ASTN1: variants seen among roughly 807,000 people sequenced by gnomAD.
ASTN1 encodes the protein astrotactin 1.
Under a neutral mutation model 140.7 loss-of-function variants are expected in ASTN1, and 41 were observed. That is an observed-to-expected ratio of 0.29 (90% CI 0.23 to 0.38). The LOEUF (loss-of-function observed/expected upper bound fraction) is 0.38. Ranked by LOEUF, ASTN1 falls within the 10% of genes least tolerant of loss-of-function variation. ASTN1 has a pLI of 1.00. For missense variants in ASTN1, 1,479 were observed against 1,678.8 expected (o/e 0.88, Z 2.08); for synonymous variants, 640 against 652.2 (o/e 0.98, Z 0.29).
rs761858815 is a variant in ASTN1, at chr1:176,882,976, A to G, written c.3245T>C (p.Val1082Ala). The G allele has an allele frequency of 6.8e-6, 11 of 1,614,086 alleles. No individual in the cohort carries two copies. The Admixed American group carries it at 1.0e-4, about 15-fold the overall frequency. The change falls in exon 20 of 23, where the codon GTG becomes GCG. Residue 1082 changes from valine (V) to alanine (A), a missense_variant. Coordinates refer to ENST00000361833, the MANE Select transcript of ASTN1 (RefSeq NM_004319.3). ...KVETETVLSF[V>A]DDIISGAKSP... is the part of the protein sequence containing the mutation. ...CTTTGCTCCAGAGATGATGTCGTCC[A>G]CAAAGCTCAGCACTGTTTCTGCCCA...
At chr1:177,161,480 G>A (rs1440426984) in intron 1 of ASTN1, among the ~76,000 whole-genome samples, 1 of 152,230 alleles carries the variant, frequency 6.6e-6, no homozygotes, top group Non-Finnish European at 1.5e-5. Context: ...GCACAGAAAT[G>A]GGATAGAGGC....
chr1:176,943,754 A>G (rs1671836038), intron 14 of ASTN1, 137 bp downstream of exon 14: 2 of 1,164,224 alleles, frequency 1.7e-6, no homozygotes, highest in Admixed American at 3.4e-5. Context: ...ATTCAGTTTT[A>G]TGGCTGAGCT....
intron 15 of ASTN1, chr1:176,935,932 C>G (rs1401773787): frequency 5.3e-6 from 2 of 374,182 alleles, no homozygotes; most frequent in Admixed American, 3.8e-5. Context: ...ATTTGGAATG[C>G]TTAATTCTCT....
chr1:176,978,387 G>A (rs570627873), intron 8 of ASTN1, among the ~76,000 whole-genome samples: 1 of 152,302 alleles, frequency 6.6e-6, no homozygotes, highest in Admixed American at 6.5e-5. Context: ...AGAGGAACCA[G>A]TAGAGAAGCC....
At chr1:177,008,461 A>AAG (rs1297817646) in intron 8 of ASTN1, among the ~76,000 whole-genome samples, 3 of 134,556 alleles carry the variant, frequency 2.2e-5, no homozygotes, top group African/African-American at 8.4e-5. Context: ...GAGGGAGAGG[A>AAG]AGAGAGAGAG....
chr1:176,936,029 G>T, intron 15 of ASTN1: 1 of 581,878 alleles, frequency 1.7e-6, no homozygotes. Flanking sequence ...CTCCAGTCTT[G>T]CCCTTTCCCT....
At chr1:176,943,294 C>T (rs942348009) in intron 14 of ASTN1, among the ~76,000 whole-genome samples, 1 of 151,940 alleles carries the variant, frequency 6.6e-6, no homozygotes, top group African/African-American at 2.4e-5. Context: ...GTGTTTGTTC[C>T]ACAATGAGTC....
At chr1:176,942,993 A>G (rs1671805601) in intron 14 of ASTN1, among the ~76,000 whole-genome samples, 1 of 150,616 alleles carries the variant, frequency 6.6e-6, no homozygotes, top group Non-Finnish European at 1.5e-5. Context: ...GGCAAAATGA[A>G]CTTTCTAAAT....
chr1:176,871,183 T>A (rs1328433155), intron 21 of ASTN1, among the ~76,000 whole-genome samples: 1 of 152,120 alleles, frequency 6.6e-6, no homozygotes. Context: ...GAGGGAATCC[T>A]AGTAGCTGTG....
intron 1 of ASTN1, among the ~76,000 whole-genome samples, chr1:177,152,012 A>G (rs1411201016): frequency 2.0e-5 from 3 of 152,176 alleles, no homozygotes; most frequent in African/African-American, 7.2e-5. Context: ...GAAATCAGGA[A>G]GGACAGGAGA....
chr1:176,972,862 G>T (rs778040532), intron 8 of ASTN1, among the ~76,000 whole-genome samples: 13 of 152,046 alleles, frequency 8.6e-5, no homozygotes, highest in Non-Finnish European at 1.5e-4. Context: ...TTAAAACCTG[G>T]CTCTATCACT....
At chr1:176,969,237 T>A (rs1223907674) in intron 8 of ASTN1, among the ~76,000 whole-genome samples, 1 of 152,060 alleles carries the variant, frequency 6.6e-6, no homozygotes, top group Non-Finnish European at 1.5e-5. Context: ...GTAAGCAGGG[T>A]CTAAAGGCCC....
intron 8 of ASTN1, among the ~76,000 whole-genome samples, chr1:177,008,481 G>GGAAGAGAGAGAGGGAGACAA (rs1458176405): frequency 6.7e-6 from 1 of 149,534 alleles, no homozygotes; most frequent in African/African-American, 2.5e-5. Context: ...GAGAGGGAGA[G>GGAAGAGAGAGAGGGAGACAA]GAAGAGAGAG....
At chr1:177,036,043 T>TC (rs1676700637) in intron 2 of ASTN1, among the ~76,000 whole-genome samples, 1 of 139,888 alleles carries the variant, frequency 7.1e-6, no homozygotes, top group African/African-American at 2.7e-5. Flanking sequence ...TTTCTTTTTT[T>TC]TTTTTTTTTT....
intron 8 of ASTN1, among the ~76,000 whole-genome samples, chr1:176,983,677 G>C (rs938544921): frequency 6.6e-6 from 1 of 152,200 alleles, no homozygotes; most frequent in African/African-American, 2.4e-5. Context: ...GGGGTGTGAG[G>C]ATGTTTCCTT....
At chr1:176,904,944 A>G (rs1477498260) in intron 16 of ASTN1, among the ~76,000 whole-genome samples, 1 of 152,174 alleles carries the variant, frequency 6.6e-6, no homozygotes, top group Non-Finnish European at 1.5e-5. Flanking sequence ...TATTTCTCCA[A>G]TAGGGAGTGC....
chr1:177,103,685 G>C (rs1050584312), intron 1 of ASTN1, among the ~76,000 whole-genome samples: 1 of 152,146 alleles, frequency 6.6e-6, no homozygotes, highest in Non-Finnish European at 1.5e-5. Flanking sequence ...TCAAGCAGAA[G>C]TGAATAATAA....
At chr1:176,867,471 C>A (rs910437540) in intron 22 of ASTN1, among the ~76,000 whole-genome samples, 4 of 151,996 alleles carry the variant, frequency 2.6e-5, no homozygotes, top group African/African-American at 7.3e-5. Flanking sequence ...GACAATATTT[C>A]TTAACATGTA....
At chr1:177,116,010 G>C (rs1361058767) in intron 1 of ASTN1, among the ~76,000 whole-genome samples, 1 of 152,154 alleles carries the variant, frequency 6.6e-6, no homozygotes, top group African/African-American at 2.4e-5. Context: ...AAAATCTGGA[G>C]GGTGAGGTAA....
Sources: gnomAD v4.1 joint callset for allele counts (sites outside exome capture counted in the v4.1 genomes callset) on GRCh38, gnomAD v4.1.1 for gene constraint, MANE v1.5 for transcripts, NCBI Gene and HGNC (gene_info 2026-07-23, HGNC 2026-07-21) for gene names.